PPARGC1A: variants seen among roughly 807,000 people sequenced by gnomAD.
PPARGC1A encodes the protein peroxisome proliferator-activated receptor gamma coactivator 1-alpha.
In PPARGC1A, 25 loss-of-function variants were observed where a neutral mutation model predicts 88.7. The observed-to-expected ratio is 0.28, with a 90% CI of 0.21 to 0.39. PPARGC1A has a LOEUF of 0.39. Among genes scored for constraint, PPARGC1A ranks in the 10% least tolerant of loss-of-function variants. The probability of loss-of-function intolerance (pLI) is 1.00; values close to 1 mark genes in which losing one functional copy is unlikely to be tolerated. For synonymous variants in PPARGC1A, 363 were observed against 355.6 expected, an observed-to-expected ratio of 1.02 and a Z score of -0.24; for missense variants, 880 against 968.7, an observed-to-expected ratio of 0.91 and a Z score of 1.22.
At chr4:24,203,049 A>T in the PPARGC1A span, among the ~76,000 whole-genome samples, 1 of 152,218 alleles carries the variant, frequency 6.6e-6, no homozygotes, top group East Asian at 1.9e-4. Context: ...TTACAGGAGC[A>T]GTTAGGGATC....
intron 2 of PPARGC1A, chr4:23,881,354 T>A (rs975091221): frequency 6.6e-6 from 1 of 152,212 alleles, no homozygotes; most frequent in Non-Finnish European, 1.5e-5. Flanking sequence ...CAGAGAACAT[T>A]GTTTGCGTGT....
At chr4:23,831,862 C>T (rs1489050858) in intron 2 of PPARGC1A, 111 bp from the exon 3 acceptor site, 3 of 833,486 alleles carry the variant, frequency 3.6e-6, no homozygotes, top group East Asian at 4.9e-5. Context: ...TCTAGAATGC[C>T]CATTCCAGAA....
chr4:24,177,827 A>G, the PPARGC1A span, among the ~76,000 whole-genome samples: 1 of 152,116 alleles, frequency 6.6e-6, no homozygotes, highest in African/African-American at 2.4e-5. Context: ...ACCAACAGGA[A>G]AAGTGGTCAT....
At chr4:24,120,042 T>C in the PPARGC1A span, among the ~76,000 whole-genome samples, 4 of 152,176 alleles carry the variant, frequency 2.6e-5, no homozygotes, top group Non-Finnish European at 4.4e-5. Flanking sequence ...AAAAGAATCT[T>C]ACAGGCATAA....
At chr4:23,901,589 A>C (rs1719393443), upstream of PPARGC1A, among the ~76,000 whole-genome samples, 2 of 152,106 alleles carry the variant, frequency 1.3e-5, no homozygotes, top group East Asian at 3.9e-4. Context: ...TAAGACATCC[A>C]TATGGTGCAT....
the PPARGC1A span, among the ~76,000 whole-genome samples, chr4:24,050,976 A>G: frequency 6.6e-6 from 1 of 152,050 alleles, no homozygotes; most frequent in Admixed American, 6.5e-5. Context: ...TCATGAGGTC[A>G]GGAGATGGAG....
At chr4:24,460,787 C>T in the PPARGC1A span, among the ~76,000 whole-genome samples, 991 of 152,274 alleles carry the variant, frequency 6.5e-3, 10 homozygotes, top group African/African-American at 0.022. Flanking sequence ...CAATTTCTGA[C>T]GCTATTTCAC....
chr4:24,266,770 C>A, the PPARGC1A span, among the ~76,000 whole-genome samples: 2 of 152,078 alleles, frequency 1.3e-5, no homozygotes, highest in Non-Finnish European at 2.9e-5. Context: ...GGAGCGCCAT[C>A]CTCAGATTTA....
the PPARGC1A span, among the ~76,000 whole-genome samples, chr4:24,153,129 G>A: frequency 6.6e-6 from 1 of 152,130 alleles, no homozygotes. Context: ...ATTCAGAGAA[G>A]GTAACTATAG....
chr4:23,836,898 C>T (rs1370556125), intron 2 of PPARGC1A, among the ~76,000 whole-genome samples: 1 of 152,154 alleles, frequency 6.6e-6, no homozygotes, highest in African/African-American at 2.4e-5. Context: ...AGAGGAGGGA[C>T]TCTGAGATGC....
chr4:23,909,608 G>C, the PPARGC1A span, among the ~76,000 whole-genome samples: 7 of 151,882 alleles, frequency 4.6e-5, no homozygotes, highest in East Asian at 2.0e-4. Flanking sequence ...CAGGCAGAAG[G>C]AGGAGGGATG....
chr4:24,300,000 C>A, the PPARGC1A span, among the ~76,000 whole-genome samples: 50 of 152,282 alleles, frequency 3.3e-4, no homozygotes, highest in African/African-American at 1.2e-3. Context: ...TCCATATTTG[C>A]AATTTAAGCT....
At chr4:24,436,642 C>T in the PPARGC1A span, among the ~76,000 whole-genome samples, 236 of 138,798 alleles carry the variant, frequency 1.7e-3, 2 homozygotes, top group Admixed American at 2.7e-3. Context: ...TTGCTGACAT[C>T]GATTGGCCAC....
At chr4:24,021,918 G>A in the PPARGC1A span, among the ~76,000 whole-genome samples, 1 of 152,212 alleles carries the variant, frequency 6.6e-6, no homozygotes, top group South Asian at 2.1e-4. Flanking sequence ...AGAGGTCAGA[G>A]AAGCCCTTGC....
chr4:24,054,002 G>T, the PPARGC1A span, among the ~76,000 whole-genome samples: 1 of 152,156 alleles, frequency 6.6e-6, no homozygotes, highest in African/African-American at 2.4e-5. Flanking sequence ...AAAATGTGTG[G>T]AGGAAATTAG....
chr4:23,963,773 T>C, the PPARGC1A span, among the ~76,000 whole-genome samples: 3 of 152,178 alleles, frequency 2.0e-5, no homozygotes, highest in Non-Finnish European at 4.4e-5. Context: ...TTCCTGGTTG[T>C]CCTGCAGTAG....
chr4:23,948,210 G>A, the PPARGC1A span, among the ~76,000 whole-genome samples: 2 of 152,142 alleles, frequency 1.3e-5, no homozygotes, highest in Non-Finnish European at 2.9e-5. Context: ...GATACATGAT[G>A]AATAAAACAC....
the PPARGC1A span, among the ~76,000 whole-genome samples, chr4:24,338,139 CT>C: frequency 6.6e-6 from 1 of 152,148 alleles, no homozygotes; most frequent in Non-Finnish European, 1.5e-5. Context: ...GGGGCCCTGC[CT>C]TCTTTGTCTC....
At chr4:24,412,392 G>A in the PPARGC1A span, among the ~76,000 whole-genome samples, 2 of 151,664 alleles carry the variant, frequency 1.3e-5, no homozygotes, top group Non-Finnish European at 2.9e-5. Context: ...TTAATGGTTA[G>A]GGGGAAAAAA....
Sources: allele counts gnomAD v4.1 joint callset (sites outside exome capture counted in the v4.1 genomes callset), GRCh38; gene constraint gnomAD v4.1.1; transcripts MANE v1.5; gene names NCBI Gene and HGNC (gene_info 2026-07-23, HGNC 2026-07-21).